Variants in NRG1 observed in about 807,000 individuals in gnomAD.
NRG1 encodes pro-neuregulin-1, membrane-bound isoform.
NRG1 carries 18 observed loss-of-function variants against 63.8 expected under a neutral mutation model. That is an observed-to-expected ratio of 0.28 (90% CI 0.19 to 0.42). NRG1 has a LOEUF of 0.42. NRG1 is among the 10% of genes least tolerant of loss of function. The probability of loss-of-function intolerance (pLI) is 1.00; values close to 1 mark genes in which losing one functional copy is unlikely to be tolerated. For synonymous variants in NRG1, 302 were observed against 301.3 expected (o/e 1.00, Z -0.02); for missense variants, 762 against 814.7 (o/e 0.94, Z 0.79).
intron 1 of NRG1, among the ~76,000 whole-genome samples, chr8:32,563,320 A>G (rs1836809089): frequency 6.6e-6 from 1 of 152,174 alleles, no homozygotes; most frequent in Non-Finnish European, 1.5e-5. Flanking sequence ...GCAAATAGCA[A>G]ATTTGTTTTA....
At chr8:32,498,711 A>G (rs1215236269) in intron 1 of NRG1, among the ~76,000 whole-genome samples, 2 of 152,182 alleles carry the variant, frequency 1.3e-5, no homozygotes, top group African/African-American at 4.8e-5. Context: ...GGCCTATTTT[A>G]GTAAGTTTTG....
intron 1 of NRG1, among the ~76,000 whole-genome samples, chr8:32,485,306 A>G (rs1825776255): frequency 6.6e-6 from 1 of 151,836 alleles, no homozygotes; most frequent in Non-Finnish European, 1.5e-5. Context: ...GGGTTTCTCC[A>G]TGTTGGTCAG....
At chr8:31,853,043 G>T (rs1458568284) in intron 1 of NRG1, among the ~76,000 whole-genome samples, 1 of 151,930 alleles carries the variant, frequency 6.6e-6, no homozygotes, top group Non-Finnish European at 1.5e-5. Context: ...GTCAGGTAGT[G>T]TGATGCCTCC....
chr8:32,596,068 T>TC, intron 2 of NRG1, 63 bp downstream of exon 2: 6 of 1,285,200 alleles, frequency 4.7e-6, no homozygotes, highest in Non-Finnish European at 5.3e-6. Flanking sequence ...ATAAATGTTA[T>TC]TTAGACCCTA....
intron 1 of NRG1, among the ~76,000 whole-genome samples, chr8:31,972,565 T>C (rs944076777): frequency 6.6e-6 from 1 of 152,180 alleles, no homozygotes; most frequent in Non-Finnish European, 1.5e-5. Context: ...ATTTGCAAGC[T>C]TCCTAGGCTT....
At chr8:32,073,143 A>G (rs1825993392) in intron 1 of NRG1, among the ~76,000 whole-genome samples, 1 of 152,160 alleles carries the variant, frequency 6.6e-6, no homozygotes, top group Non-Finnish European at 1.5e-5. Context: ...TGCATTCAAC[A>G]TCTCGTTTTT....
At chr8:32,146,811 T>A (rs1177957247) in intron 1 of NRG1, among the ~76,000 whole-genome samples, 1 of 152,110 alleles carries the variant, frequency 6.6e-6, no homozygotes, top group Non-Finnish European at 1.5e-5. Flanking sequence ...TATTTGCCAC[T>A]CCTTCTACGT....
At chr8:32,130,356 A>G (rs1368827091) in intron 1 of NRG1, among the ~76,000 whole-genome samples, 5 of 152,012 alleles carry the variant, frequency 3.3e-5, no homozygotes, top group Admixed American at 3.3e-4. Context: ...TCTCAGATAA[A>G]GTATATTTTT....
intron 3 of NRG1, among the ~76,000 whole-genome samples, chr8:32,608,097 T>TTTG (rs1845631611): frequency 2.4e-5 from 3 of 123,400 alleles, no homozygotes; most frequent in African/African-American, 6.8e-5. Context: ...TTTTTGTTTT[T>TTTG]TTTTTTTTTG....
chr8:31,849,205 G>C (rs905066475), intron 1 of NRG1, among the ~76,000 whole-genome samples: 1 of 152,146 alleles, frequency 6.6e-6, no homozygotes, highest in Non-Finnish European at 1.5e-5. Flanking sequence ...AGAATATAGA[G>C]TCAAGAACAG....
intron 1 of NRG1, among the ~76,000 whole-genome samples, chr8:32,418,024 A>G (rs1295624306): frequency 6.6e-6 from 1 of 152,144 alleles, no homozygotes; most frequent in Non-Finnish European, 1.5e-5. Context: ...CTATCACTAG[A>G]TAGTGGCAGA....
chr8:31,906,427 T>C (rs1174579021), intron 1 of NRG1, among the ~76,000 whole-genome samples: 43 of 152,130 alleles, frequency 2.8e-4, no homozygotes, highest in Admixed American at 2.7e-3. Context: ...GAGATGGAGA[T>C]CCTTGGGAGC....
At chr8:31,881,254 G>T (rs1461381247) in intron 1 of NRG1, among the ~76,000 whole-genome samples, 2 of 152,084 alleles carry the variant, frequency 1.3e-5, no homozygotes, top group African/African-American at 4.8e-5. Flanking sequence ...TCACATTTTG[G>T]TAATTCTGAA....
chr8:31,990,187 C>G (rs1810815340), intron 1 of NRG1, among the ~76,000 whole-genome samples: 1 of 151,996 alleles, frequency 6.6e-6, no homozygotes, highest in African/African-American at 2.4e-5. Flanking sequence ...GCTAACTTGT[C>G]TTTAGTAAGT....
intron 1 of NRG1, among the ~76,000 whole-genome samples, chr8:32,444,775 T>C (rs952100946): frequency 2.0e-5 from 3 of 152,160 alleles, no homozygotes; most frequent in African/African-American, 7.2e-5. Flanking sequence ...AATCCAGCAA[T>C]AAAGAAGAAC....
At chr8:31,788,128 T>C (rs935897603) in intron 1 of NRG1, among the ~76,000 whole-genome samples, 1 of 152,110 alleles carries the variant, frequency 6.6e-6, no homozygotes, top group East Asian at 1.9e-4. Context: ...TGTAAAGATA[T>C]TTACTAACCA....
At chr8:31,664,253 A>G (rs980615599) in intron 1 of NRG1, among the ~76,000 whole-genome samples, 1 of 152,152 alleles carries the variant, frequency 6.6e-6, no homozygotes, top group African/African-American at 2.4e-5. Context: ...GGAAGAAGCT[A>G]TCAATTAGCT....
At chr8:32,335,149 G>A (rs1803102259) in intron 1 of NRG1, among the ~76,000 whole-genome samples, 1 of 152,076 alleles carries the variant, frequency 6.6e-6, no homozygotes, top group Admixed American at 6.6e-5. Flanking sequence ...GAATGATTTT[G>A]GAAATGCTCC....
chr8:32,588,109 A>G (rs1841940312), intron 1 of NRG1, among the ~76,000 whole-genome samples: 1 of 151,892 alleles, frequency 6.6e-6, no homozygotes, highest in Admixed American at 6.6e-5. Flanking sequence ...TTTAGTAGAG[A>G]TGGCGTTTCA....
Sources: gnomAD v4.1 joint callset for allele counts (sites outside exome capture counted in the v4.1 genomes callset) on GRCh38, gnomAD v4.1.1 for gene constraint, MANE v1.5 for transcripts, NCBI Gene and HGNC (gene_info 2026-07-23, HGNC 2026-07-21) for gene names.